MFN1: variants seen among roughly 807,000 people sequenced by gnomAD.
MFN1 encodes mitofusin-1.
In MFN1, 65 loss-of-function variants were observed where a neutral mutation model predicts 92.4. The observed-to-expected ratio is 0.70, with a 90% CI of 0.58 to 0.86. MFN1 has a LOEUF of 0.86. Ranked by LOEUF, MFN1 falls within the 40% of genes least tolerant of loss-of-function variation. The pLI, the probability that MFN1 is intolerant of heterozygous loss-of-function variation, is 0.00. For synonymous variants in MFN1, 297 were observed against 300.9 expected (o/e 0.99, Z 0.13); for missense variants, 781 against 868.0 (o/e 0.90, Z 1.26).
At chr3:179,359,091 C>A in intron 4 of MFN1, 89 bp downstream of exon 4, 3 of 1,281,420 alleles carry the variant, frequency 2.3e-6, no homozygotes, top group Non-Finnish European at 2.1e-6. Context: ...ATGTCTGCAT[C>A]GCTGACATCT....
intron 9 of MFN1, among the ~76,000 whole-genome samples, chr3:179,370,448 G>A (rs185275979): frequency 4.4e-5 from 6 of 136,076 alleles, no homozygotes; most frequent in African/African-American, 1.4e-4. Context: ...CCGCCAGGCT[G>A]GAATGAGGGA....
rs1713357295 is a variant in MFN1 at position 179,378,817 on chromosome 3, A to G, written c.1662+3A>G. 1.3e-6 allele frequency: 2 copies of G among 1,599,396 alleles called. No individual in the cohort carries two copies. Among genetic ancestry groups the G allele is most frequent in the Admixed American group, 1.7e-5 (1 of 59,602 alleles). On this transcript the variant is annotated splice_donor_region_variant and intron_variant, in intron 14 of 17. Coordinates refer to ENST00000471841, the MANE Select transcript of MFN1 (RefSeq NM_033540.3). ...GATTATCAGAGCCTATCTTTCAGGT[A>G]TGTATCTTTGAATCTACCAATTAAG...
At chr3:179,356,875 G>T (rs1712363791) in intron 3 of MFN1, among the ~76,000 whole-genome samples, 1 of 152,174 alleles carries the variant, frequency 6.6e-6, no homozygotes, top group Admixed American at 6.5e-5. Flanking sequence ...TGAGACACCA[G>T]GTTGCAGCAG....
intron 14 of MFN1, among the ~76,000 whole-genome samples, chr3:179,380,235 A>G (rs569843785): frequency 4.6e-5 from 7 of 152,358 alleles, no homozygotes; most frequent in East Asian, 3.9e-4. Context: ...GAACAAGTCT[A>G]TAATGCTGAT....
chr3:179,354,804 T>C (rs1712285412), intron 3 of MFN1, among the ~76,000 whole-genome samples: 1 of 152,142 alleles, frequency 6.6e-6, no homozygotes, highest in Non-Finnish European at 1.5e-5. Flanking sequence ...CACTTTTTCT[T>C]TTTTTGGGAG....
At chr3:179,354,334 A>G (rs1278453011) in intron 3 of MFN1, among the ~76,000 whole-genome samples, 3 of 152,274 alleles carry the variant, frequency 2.0e-5, no homozygotes, top group Non-Finnish European at 4.4e-5. Flanking sequence ...TAGCAAAAGA[A>G]GAGACTTTGT....
At chr3:179,353,699 C>T (rs778582787) in intron 3 of MFN1, among the ~76,000 whole-genome samples, 9 of 152,184 alleles carry the variant, frequency 5.9e-5, no homozygotes, top group Non-Finnish European at 2.9e-5. Flanking sequence ...AGCTTATATG[C>T]AAAGACAAAT....
chr3:179,371,360 A>G (rs1385099199), intron 9 of MFN1, among the ~76,000 whole-genome samples: 1 of 151,346 alleles, frequency 6.6e-6, no homozygotes, highest in Non-Finnish European at 1.5e-5. Flanking sequence ...AGCAGGAAAA[A>G]AAAAAATCCA....
chr3:179,386,302 A>C, intron 15 of MFN1, 131 bp from the exon 16 acceptor site: 1 of 692,152 alleles, frequency 1.4e-6, no homozygotes, highest in Non-Finnish European at 2.3e-6. Flanking sequence ...AGGTTTTCTC[A>C]TGGAGAAGGA....
At chr3:179,364,491 T>C in intron 6 of MFN1, 86 bp downstream of exon 6, 2 of 1,081,086 alleles carry the variant, frequency 1.8e-6, no homozygotes, top group South Asian at 1.4e-5. Context: ...GAAATCCATA[T>C]CGTGGATTAG....
chr3:179,379,765 T>A (rs140424639), intron 14 of MFN1, among the ~76,000 whole-genome samples: 2 of 152,156 alleles, frequency 1.3e-5, no homozygotes, highest in Admixed American at 1.3e-4. Flanking sequence ...TTGGAAAAAC[T>A]GGACAATAAT....
In MFN1 at chr3:179,394,863, ATC is replaced by A. The variant is rs1714043258; in HGVS notation, c.*2806_*2807del. 2 of 152,232 alleles carry A rather than the reference ATC, an allele frequency of 1.3e-5. No homozygotes were observed. Among genetic ancestry groups the A allele is most frequent in the South Asian group, 2.1e-4 (1 of 4,834 alleles). 9.4% of individuals were successfully genotyped at this position (152,232 alleles called of 1,614,324 possible). On this transcript the variant is annotated 3_prime_UTR_variant, in exon 18 of 18. Coordinates refer to ENST00000471841, the MANE Select transcript of MFN1 (RefSeq NM_033540.3). Reference sequence around the variant, plus strand: ...TGTTTGCAGGATTAAACTTTGTATAATCTTTTTACAAAAATTTTTTTTCAGTA... The same window carrying A: ...TGTTTGCAGGATTAAACTTTGTATAATTTTTACAAAAATTTTTTTTCAGTA...
chr3:179,369,198 T>G (rs1463845401), intron 9 of MFN1, among the ~76,000 whole-genome samples: 1 of 149,488 alleles, frequency 6.7e-6, no homozygotes, highest in East Asian at 1.9e-4. Flanking sequence ...ACCAAAGGGT[T>G]GATGCTCTCC....
chr3:179,348,879 C>T lies in MFN1; in HGVS notation c.28C>T (p.His10Tyr), dbSNP rs760889668. 1.9e-6 allele frequency: 3 copies of T among 1,609,188 alleles called. No individual in the cohort carries two copies. Among genetic ancestry groups the T allele is most frequent in the South Asian group, 2.2e-5 (2 of 90,700 alleles). The change falls in exon 2 of 18, where the codon CAC (histidine) becomes TAC (tyrosine). Residue 10 changes from histidine to tyrosine, a missense_variant. Coordinates refer to ENST00000471841, the MANE Select transcript of MFN1 (RefSeq NM_033540.3). MAEPVSPLK[H>Y]FVLAKKAITA... is the part of the protein sequence containing the mutation. Reference sequence around the variant, plus strand: ...GGCAGAACCTGTTTCTCCACTGAAGCACTTTGTGCTGGCTAAGAAGGCGAT... The same window carrying T: ...GGCAGAACCTGTTTCTCCACTGAAGTACTTTGTGCTGGCTAAGAAGGCGAT...
At chr3:179,382,843 C>T (rs1333490570) in intron 14 of MFN1, among the ~76,000 whole-genome samples, 6 of 152,246 alleles carry the variant, frequency 3.9e-5, no homozygotes, top group South Asian at 2.1e-4. Flanking sequence ...CATTTTTTCA[C>T]GTGTCTATTG....
Position 179,390,082 on chromosome 3 carries a change from A to G in MFN1, c.2091A>G (p.Arg697=). 2 of 1,607,296 alleles carry G rather than the reference A, an allele frequency of 1.2e-6. No individual in the cohort carries two copies. The highest frequency in any genetic ancestry group is 1.7e-6 in the Non-Finnish European group (2 of 1,178,082). ...TQKQLEEEIA[R]LPKEIDQLEK... ...AACAGCTGGAAGAAGAAATTGCTAG[A>G]TTACCCAAAGAAATAGATCAGTTGG... The change falls in exon 17 of 18, where the codon AGA becomes AGG. Residue 697 remains arginine, a synonymous_variant. Coordinates refer to ENST00000471841, the MANE Select transcript of MFN1 (RefSeq NM_033540.3).
intron 5 of MFN1, among the ~76,000 whole-genome samples, chr3:179,363,066 T>C (rs1158464575): frequency 1.3e-5 from 2 of 152,206 alleles, no homozygotes; most frequent in Non-Finnish European, 2.9e-5. Flanking sequence ...GATCTAGTAT[T>C]TGGTACCAAA....
rs1713917695 is a variant in MFN1, at chr3:179,391,957, T to G, written c.2148-24T>G. ...CTCCTTGACCTTTATAGTAATTAGA[T>G]TGGTGTTTTATTTTTTTAATTAGAA... On this transcript the variant is annotated intron_variant, in intron 17 of 17. Coordinates refer to ENST00000471841, the MANE Select transcript of MFN1 (RefSeq NM_033540.3). 5 of 1,427,178 alleles carry G rather than the reference T, an allele frequency of 3.5e-6. No individual in the cohort carries two copies. The East Asian group carries it at 9.1e-5, about 26-fold the overall frequency. 88.4% of individuals were successfully genotyped at this position (1,427,178 alleles called of 1,614,324 possible). A position where few individuals can be genotyped will look rare whatever the true frequency, so the allele number is the denominator to read the frequency against.
rs1712843670 is a variant in MFN1 at position 179,367,539 on chromosome 3, C to A, written c.854C>A (p.Ala285Glu). Reference protein sequence around the residue: ...EAQNRIFFVSAKEVLSARKQK... With the variant: ...EAQNRIFFVSEKEVLSARKQK... ...CAGAATCGTATCTTCTTTGTTTCAG[C>A]AAAGGAAGTTCTTAGTGCTAGAAAG... The change falls in exon 8 of 18, where the codon GCA (alanine) becomes GAA (glutamate). Residue 285 changes from alanine (A) to glutamate (E), a missense_variant. By Grantham distance (107) the Ala-to-Glu change is moderately radical. Transcript: ENST00000471841. The A allele has an allele frequency of 1.9e-5, 30 of 1,613,394 alleles. No homozygotes were observed. The highest frequency in any genetic ancestry group is 2.5e-5 in the Non-Finnish European group (30 of 1,179,812).
Sources: gnomAD v4.1 joint callset for allele counts (sites outside exome capture counted in the v4.1 genomes callset) on GRCh38, gnomAD v4.1.1 for gene constraint, MANE v1.5 for transcripts, NCBI Gene and HGNC (gene_info 2026-07-23, HGNC 2026-07-21) for gene names.